Variants in ATP2B1 observed in about 807,000 individuals in gnomAD.
The protein encoded by ATP2B1 is plasma membrane calcium-transporting ATPase 1.
ATP2B1 carries 14 observed loss-of-function variants against 124.2 expected under a neutral mutation model. That is an observed-to-expected ratio of 0.11 (90% CI 0.07 to 0.18). The LOEUF is 0.18. Ranked by LOEUF, ATP2B1 falls within the 10% of genes least tolerant of loss-of-function variation. The pLI is 1.00. For synonymous variants in ATP2B1, 449 were observed against 492.4 expected (o/e 0.91, Z 1.17); for missense variants, 763 against 1,466.1 (o/e 0.52, Z 7.83).
intron 15 of ATP2B1, among the ~76,000 whole-genome samples, chr12:89,605,499 C>T (rs1876670343): frequency 1.3e-5 from 2 of 152,154 alleles, no homozygotes; most frequent in African/African-American, 4.8e-5. Flanking sequence ...CATGACATGA[C>T]ACAGCATGAA....
chr12:89,621,827 C>A, intron 9 of ATP2B1, 36 bp from the exon 10 acceptor site: 2 of 1,474,324 alleles, frequency 1.4e-6, no homozygotes, highest in Non-Finnish European at 1.8e-6. Context: ...AGTTAAGCTG[C>A]ATATAAAACC....
At chr12:89,655,616 T>G in intron 2 of ATP2B1, 63 bp downstream of exon 2, 1 of 1,490,026 alleles carries the variant, frequency 6.7e-7, no homozygotes, top group Non-Finnish European at 9.3e-7. Context: ...GCATGCTCAT[T>G]TATAAGCCAA....
At chr12:89,628,259 G>C (rs1018930616) in intron 6 of ATP2B1, among the ~76,000 whole-genome samples, 3 of 151,968 alleles carry the variant, frequency 2.0e-5, no homozygotes, top group Non-Finnish European at 4.4e-5. Context: ...AAAATTAGCC[G>C]GGTGTGGTGG....
chr12:89,689,794 T>C (rs1040387831), intron 1 of ATP2B1, among the ~76,000 whole-genome samples: 3 of 152,138 alleles, frequency 2.0e-5, no homozygotes, highest in African/African-American at 7.2e-5. Context: ...ATACACATAG[T>C]ACACACAAAG....
intron 8 of ATP2B1, 48 bp from the exon 9 acceptor site, chr12:89,624,445 CACTA>C: frequency 6.8e-7 from 1 of 1,462,238 alleles, no homozygotes; most frequent in South Asian, 1.2e-5. Flanking sequence ...AATTTCCAGA[CACTA>C]ACCCTTGCCA....
chr12:89,701,774 T>C (rs1181238034), intron 1 of ATP2B1, among the ~76,000 whole-genome samples: 2 of 152,144 alleles, frequency 1.3e-5, no homozygotes, highest in Admixed American at 1.3e-4. Context: ...CTCGAACTCC[T>C]GGCCTCAAGC....
intron 1 of ATP2B1, among the ~76,000 whole-genome samples, chr12:89,682,146 A>G (rs972838383): frequency 6.6e-6 from 1 of 152,180 alleles, no homozygotes; most frequent in Admixed American, 6.5e-5. Context: ...ACCAAAAAAG[A>G]TTAAAGACAC....
intron 12 of ATP2B1, among the ~76,000 whole-genome samples, chr12:89,613,165 G>A (rs1413151174): frequency 6.6e-6 from 1 of 152,002 alleles, no homozygotes; most frequent in East Asian, 1.9e-4. Flanking sequence ...ATTTTTGGTA[G>A]AGATGGGGTT....
rs192842436 is a variant in ATP2B1, at chr12:89,688,228, T to A, written c.-222+20368A>T. ...CAGGTGATGAATTTACAGCACTTCA[T>A]TTCATGTAACTGTTGAGGTCTCATC... On this transcript the variant is annotated intron_variant, in intron 1 of 20. Coordinates refer to ENST00000428670, the MANE Select transcript of ATP2B1 (RefSeq NM_001366521.1). 6.6e-5 allele frequency among the ~76,000 whole-genome samples: 10 copies of A among 152,260 alleles called. No individual in the cohort carries two copies. In the East Asian group the frequency reaches 1.7e-3, roughly 26 times the overall value.
intron 1 of ATP2B1, among the ~76,000 whole-genome samples, chr12:89,702,601 A>AT (rs1407955538): frequency 1.3e-5 from 2 of 152,138 alleles, no homozygotes; most frequent in Non-Finnish European, 1.5e-5. Context: ...TTTAAGACCT[A>AT]TTTTTTTCAG....
chr12:89,641,210 A>AT (rs1883449491), intron 3 of ATP2B1, among the ~76,000 whole-genome samples: 1 of 152,204 alleles, frequency 6.6e-6, no homozygotes, highest in South Asian at 2.1e-4. Flanking sequence ...TTTTAAACAA[A>AT]TTTTTTAAAA....
chr12:89,605,495 A>G (rs1443099221), intron 15 of ATP2B1, among the ~76,000 whole-genome samples: 2 of 152,148 alleles, frequency 1.3e-5, no homozygotes, highest in African/African-American at 2.4e-5. Flanking sequence ...CTCCCATGAC[A>G]TGACACAGCA....
chr12:89,677,967 T>TACACAC (rs1375127866), intron 1 of ATP2B1, among the ~76,000 whole-genome samples: 2 of 54,534 alleles, frequency 3.7e-5, no homozygotes, highest in African/African-American at 1.1e-4. Context: ...TATATATATA[T>TACACAC]ATATACACAC....
chr12:89,620,687 T>C (rs1329613008), intron 10 of ATP2B1, among the ~76,000 whole-genome samples: 1 of 152,200 alleles, frequency 6.6e-6, no homozygotes, highest in African/African-American at 2.4e-5. Context: ...TTCATTAAAA[T>C]ACTGTTCTCT....
At chr12:89,638,858 T>A (rs931442388) in intron 3 of ATP2B1, among the ~76,000 whole-genome samples, 2 of 152,142 alleles carry the variant, frequency 1.3e-5, no homozygotes, top group African/African-American at 4.8e-5. Flanking sequence ...TGAGAACACA[T>A]TAATATTCAA....
chr12:89,687,261 A>G (rs1391782558), intron 1 of ATP2B1, among the ~76,000 whole-genome samples: 1 of 152,126 alleles, frequency 6.6e-6, no homozygotes, highest in African/African-American at 2.4e-5. Context: ...TTAGATACAC[A>G]AACATTTACT....
chr12:89,605,606 T>G (rs1443166316), intron 15 of ATP2B1, among the ~76,000 whole-genome samples: 1 of 152,188 alleles, frequency 6.6e-6, no homozygotes, highest in Admixed American at 6.5e-5. Flanking sequence ...TATTAAGTCT[T>G]AGATATTCTG....
intron 1 of ATP2B1, among the ~76,000 whole-genome samples, chr12:89,680,709 C>T (rs1889233848): frequency 6.6e-6 from 1 of 151,870 alleles, no homozygotes; most frequent in Non-Finnish European, 1.5e-5. Flanking sequence ...ATAGAAGAGG[C>T]AATCTAAACC....
At chr12:89,687,494 C>T (rs546606871) in intron 1 of ATP2B1, among the ~76,000 whole-genome samples, 32 of 151,980 alleles carry the variant, frequency 2.1e-4, no homozygotes, top group Non-Finnish European at 3.8e-4. Flanking sequence ...ACATGAGGTA[C>T]TTGAACATCT....
Sources: gnomAD v4.1 joint callset for allele counts (sites outside exome capture counted in the v4.1 genomes callset) on GRCh38, gnomAD v4.1.1 for gene constraint, MANE v1.5 for transcripts, NCBI Gene and HGNC (gene_info 2026-07-23, HGNC 2026-07-21) for gene names.